The following DNAH12 variants were observed in gnomAD, a reference collection of about 807,000 sequenced individuals.
DNAH12 encodes dynein axonemal heavy chain 12.
In DNAH12, 285 loss-of-function variants were observed where a neutral mutation model predicts 371.5. The observed-to-expected ratio is 0.77, with a 90% CI of 0.70 to 0.85. The LOEUF (loss-of-function observed/expected upper bound fraction) is 0.85. Among genes scored for constraint, DNAH12 ranks in the 40% least tolerant of loss-of-function variants. The probability of loss-of-function intolerance (pLI) is 0.00; values close to 1 mark genes in which losing one functional copy is unlikely to be tolerated. For missense variants in DNAH12, 3,611 were observed against 3,689.4 expected (o/e 0.98, Z 0.55); for synonymous variants, 1,200 against 1,213.0 (o/e 0.99, Z 0.22).
chr3:57,391,647 T>C (rs1053164898), intron 45 of DNAH12, among the ~76,000 whole-genome samples: 3,604 of 152,316 alleles, frequency 0.024, 66 homozygotes, highest in Admixed American at 0.035. Flanking sequence ...CTCTCTTATA[T>C]AATCATGATT....
intron 62 of DNAH12, among the ~76,000 whole-genome samples, chr3:57,324,516 T>C (rs948406655): frequency 1.3e-5 from 2 of 152,162 alleles, no homozygotes; most frequent in Non-Finnish European, 2.9e-5. Flanking sequence ...GTAAGGCAGA[T>C]TGCCCTCCAC....
intron 40 of DNAH12, among the ~76,000 whole-genome samples, chr3:57,406,356 CAAAA>C (rs782271639): frequency 4.2e-5 from 4 of 96,052 alleles, no homozygotes; most frequent in Non-Finnish European, 9.1e-5. Flanking sequence ...GATTCTGCCT[CAAAA>C]AAAAAAAAAA....
intron 45 of DNAH12, among the ~76,000 whole-genome samples, chr3:57,391,141 A>G (rs1235972780): frequency 6.6e-6 from 1 of 152,184 alleles, no homozygotes; most frequent in East Asian, 1.9e-4. Flanking sequence ...TTGGTCAAAC[A>G]TGATTCTGGG....
chr3:57,312,088 A>G (rs1267674875), intron 66 of DNAH12, among the ~76,000 whole-genome samples: 1 of 152,180 alleles, frequency 6.6e-6, no homozygotes, highest in Non-Finnish European at 1.5e-5. Flanking sequence ...TTGTGGGTTG[A>G]GAGCTTTTCC....
At chr3:57,437,388 C>T (rs2065160931) in intron 29 of DNAH12, among the ~76,000 whole-genome samples, 1 of 83,326 alleles carries the variant, frequency 1.2e-5, no homozygotes, top group Non-Finnish European at 2.6e-5. Flanking sequence ...CAATCCTGCA[C>T]ACTTGTAGTA....
chr3:57,395,641 T>C (rs2063721064), intron 43 of DNAH12, among the ~76,000 whole-genome samples: 1 of 152,080 alleles, frequency 6.6e-6, no homozygotes, highest in African/African-American at 2.4e-5. Flanking sequence ...TAATTATTAA[T>C]ATTATATCAA....
chr3:57,523,307 C>A (rs1247870534), intron 4 of DNAH12, among the ~76,000 whole-genome samples: 1 of 152,038 alleles, frequency 6.6e-6, no homozygotes, highest in Admixed American at 6.6e-5. Flanking sequence ...CTGCTTGAGC[C>A]TGAGTGGTGG....
intron 12 of DNAH12, among the ~76,000 whole-genome samples, chr3:57,485,682 A>G (rs1353800836): frequency 6.6e-6 from 1 of 151,952 alleles, no homozygotes; most frequent in African/African-American, 2.4e-5. Flanking sequence ...TACAGGCATG[A>G]GCCACCGCAC....
chr3:57,420,908 C>CAAAAAAAAAAAAA (rs369971376), intron 36 of DNAH12, among the ~76,000 whole-genome samples: 7 of 77,988 alleles, frequency 9.0e-5, no homozygotes, highest in Admixed American at 1.6e-4. Context: ...GACTCCGTCT[C>CAAAAAAAAAAAAA]AAAAAAAAAA....
chr3:57,489,710 A>G, intron 11 of DNAH12, 23 bp from the exon 12 acceptor site: 1 of 1,347,006 alleles, frequency 7.4e-7, no homozygotes, highest in Non-Finnish European at 9.8e-7. Flanking sequence ...TGTTCAAATG[A>G]AAAAAAAAAT....
chr3:57,554,828 G>GCTGGTCTCGAACT, the DNAH12 span, among the ~76,000 whole-genome samples: 1 of 151,898 alleles, frequency 6.6e-6, no homozygotes, highest in Admixed American at 6.6e-5. Context: ...TGTTGGCCAG[G>GCTGGTCTCGAACT]CTGGTCTCGA....
chr3:57,467,401 C>A (rs1057214447), intron 17 of DNAH12, among the ~76,000 whole-genome samples: 3 of 152,108 alleles, frequency 2.0e-5, no homozygotes, highest in Non-Finnish European at 2.9e-5. Flanking sequence ...GAATTACAGG[C>A]ATAAGACACC....
chr3:57,370,878 C>T (rs2063156530), intron 55 of DNAH12, among the ~76,000 whole-genome samples: 1 of 152,086 alleles, frequency 6.6e-6, no homozygotes, highest in Non-Finnish European at 1.5e-5. Context: ...GAGGCTGGAA[C>T]TGAGACCTTT....
chr3:57,396,278 C>CAA lies in DNAH12; in HGVS notation c.6949-1948_6949-1947dup, dbSNP rs1191377249. 3.3e-3 allele frequency among the ~76,000 whole-genome samples: 326 copies of CAA among 100,258 alleles called. 1 individual carries two copies. The highest frequency in any genetic ancestry group is 0.017 in the South Asian group (40 of 2,400). The allele number at this position is 100,258 out of a possible 152,430, so 65.8% of individuals were successfully genotyped here. A position where few individuals can be genotyped will look rare whatever the true frequency, so the allele number is the denominator to read the frequency against. On this transcript the variant is annotated intron_variant, in intron 43 of 73. Transcript: ENST00000495027. ...AGGCAACAAGGGCAAGACTGCATCTCAAAAAAAAAAACAAAAAAAAAAAAA... is the reference window on the plus strand; with the variant it reads ...AGGCAACAAGGGCAAGACTGCATCTCAAAAAAAAAAAAACAAAAAAAAAAAAA...
chr3:57,427,489 C>T (rs912844111), intron 34 of DNAH12, among the ~76,000 whole-genome samples: 1 of 151,866 alleles, frequency 6.6e-6, no homozygotes, highest in Non-Finnish European at 1.5e-5. Flanking sequence ...GAGTTCGAGA[C>T]CAGCCTGGCC....
chr3:57,502,195 C>T (rs1052290510), intron 10 of DNAH12, 128 bp downstream of exon 10: 1 of 1,263,800 alleles, frequency 7.9e-7, no homozygotes, highest in African/African-American at 1.5e-5. Context: ...CTGCCAAAAG[C>T]TACGCCTATG....
Position 57,446,642 on chromosome 3 carries a change from T to A in DNAH12, c.3834A>T (p.Ala1278=). The A allele has an allele frequency of 1.3e-6, 2 of 1,549,830 alleles. No homozygotes were observed. Among genetic ancestry groups the A allele is most frequent in the Non-Finnish European group, 8.7e-7 (1 of 1,145,906 alleles). Residue 1278 remains alanine, a synonymous_variant, in exon 26 of 74, where the codon GCA becomes GCT. Transcript: ENST00000495027. Reference sequence around the variant, plus strand: ...TGGTGGTTTCGGTTTTTCCTGTGCCTGCTGGCCCCTCTGGAGCACCTCCAA... The same window carrying A: ...TGGTGGTTTCGGTTTTTCCTGTGCCAGCTGGCCCCTCTGGAGCACCTCCAA... ...LNLGGAPEGP[A]GTGKTETTKD...
At chr3:57,432,808 T>C (rs1282277882) in intron 32 of DNAH12, among the ~76,000 whole-genome samples, 1 of 152,188 alleles carries the variant, frequency 6.6e-6, no homozygotes, top group Non-Finnish European at 1.5e-5. Context: ...GGAAATTTCA[T>C]GTGTCATTTT....
At chr3:57,361,867 T>C (rs2062944399) in intron 58 of DNAH12, among the ~76,000 whole-genome samples, 1 of 152,084 alleles carries the variant, frequency 6.6e-6, no homozygotes, top group African/African-American at 2.4e-5. Context: ...CTTTCCAATA[T>C]TTTTTTAAAA....
Sources: gnomAD v4.1 joint callset for allele counts (sites outside exome capture counted in the v4.1 genomes callset) on GRCh38, gnomAD v4.1.1 for gene constraint, MANE v1.5 for transcripts, NCBI Gene and HGNC (gene_info 2026-07-23, HGNC 2026-07-21) for gene names.